The following ATP2B3 variants were observed in gnomAD, a reference collection of about 807,000 sequenced individuals.
The protein encoded by ATP2B3 is ATPase plasma membrane Ca2+ transporting 3.
A neutral mutation model predicts 70.8 loss-of-function variants in ATP2B3; 12 were observed. The ratio of observed to expected loss-of-function variants is 0.17; its 90% CI spans 0.11 to 0.27. The LOEUF (loss-of-function observed/expected upper bound fraction) is 0.27, where lower values mean the gene tolerates loss of function less well. ATP2B3 is among the 10% of genes least tolerant of loss of function. The pLI is 1.00. For missense variants in ATP2B3, 858 were observed against 1,118.5 expected, an observed-to-expected ratio of 0.77 and a Z score of 3.32; for synonymous variants, 460 against 497.8, an observed-to-expected ratio of 0.92 and a Z score of 1.01.
chrX:153,535,980 T>G, intron 2 of ATP2B3, 142 bp from the exon 3 acceptor site: 1 of 411,929 alleles, frequency 2.4e-6, no homozygotes, highest in Non-Finnish European at 4.3e-6. Flanking sequence ...TGAGGGCCAC[T>G]GGCCCAGCCT....
At position 153,547,727 on chromosome X, in the gene ATP2B3, C is replaced by A. The variant is rs1173272398; in HGVS notation, c.959-108C>A. On this transcript the variant is annotated intron_variant, in intron 8 of 21. Coordinates refer to ENST00000263519, the MANE Select transcript of ATP2B3 (RefSeq NM_001001344.3). ...TGGAAATAGGAGAGCTCCACTGAAT[C>A]CCGTCTCCTCTCTATGGTGTGGCAT... 7.4e-6 allele frequency: 7 copies of A among 940,813 alleles called. No individual in the cohort carries two copies. The Admixed American group carries it at 2.2e-4, about 30-fold the overall frequency. The allele number at this position is 940,813 out of a possible 1,213,427, so 77.5% of individuals were successfully genotyped here.
intron 2 of ATP2B3, among the ~76,000 whole-genome samples, chrX:153,531,096 G>A (rs1040365117): frequency 2.7e-5 from 3 of 112,983 alleles, no homozygotes; most frequent in Non-Finnish European, 5.6e-5. Context: ...GGGGCGGGCA[G>A]GAAGGAGAGG....
chrX:153,518,732 G>A (rs1264754337), intron 2 of ATP2B3, among the ~76,000 whole-genome samples, 181 bp downstream of exon 2: 2 of 111,463 alleles, frequency 1.8e-5, no homozygotes, highest in Non-Finnish European at 3.8e-5. Flanking sequence ...AGAGCCCGCG[G>A]TGAGGGCTCC....
Position 153,565,046 on chromosome X carries a change from G to C in ATP2B3, c.3285G>C (p.Arg1095=). 1.7e-6 allele frequency: 2 copies of C among 1,200,928 alleles called. No individual in the cohort carries two copies. The highest frequency in any genetic ancestry group is 2.2e-6 in the Non-Finnish European group (2 of 889,896). The change falls in exon 21 of 22, where the codon CGG becomes CGC. Residue 1095 remains arginine (R), a synonymous_variant. Coordinates refer to ENST00000263519, the MANE Select transcript of ATP2B3 (RefSeq NM_001001344.3). ...EGEEEIDHAE[R]ELRRGQILWF... ...AGGAAGAGATCGACCATGCCGAGCG[G>C]GAGCTCCGCAGGGGCCAGATCCTCT... is the stretch of plus-strand genomic sequence containing the variant.
intron 3 of ATP2B3, among the ~76,000 whole-genome samples, chrX:153,537,645 C>T (rs1359714888): frequency 3.6e-5 from 4 of 112,487 alleles, no homozygotes; most frequent in African/African-American, 1.3e-4. Context: ...CGCCGCCGCA[C>T]ACGCCCTCAC....
chrX:153,525,277 C>T (rs1569533182), intron 2 of ATP2B3, among the ~76,000 whole-genome samples: 1 of 112,374 alleles, frequency 8.9e-6, no homozygotes, highest in Non-Finnish European at 1.9e-5. Flanking sequence ...AACCCTGAAC[C>T]GGGTTAAGGC....
At chrX:153,533,355 A>G (rs1190017662) in intron 2 of ATP2B3, 1 of 112,007 alleles carries the variant, frequency 8.9e-6, no homozygotes, top group Non-Finnish European at 1.9e-5. Context: ...TTGAATTGTG[A>G]CTAAGAGGAT....
Position 153,546,096 on chromosome X carries a change from C to A in ATP2B3, c.925C>A (p.Gln309Lys). Reference protein sequence around the residue: ...EEKKDKKGKQQDGAMESSQTK... With the variant: ...EEKKDKKGKQKDGAMESSQTK... ...TCCCTCTTCCATTGTAGGCAAGCAG[C>A]AGGATGGGGCCATGGAGAGTAGCCA... is the stretch of plus-strand genomic sequence containing the variant. Residue 309 changes from glutamine (Q) to lysine (K), a missense_variant, in exon 8 of 22, where the codon CAG becomes AAG. Gln to Lys is a moderately conservative substitution (Grantham distance 53, BLOSUM62 1). Coordinates refer to ENST00000263519, the MANE Select transcript of ATP2B3 (RefSeq NM_001001344.3). 1 of 1,211,220 alleles carries A rather than the reference C, an allele frequency of 8.3e-7. No individual in the cohort carries two copies. Among genetic ancestry groups the A allele is most frequent in the Non-Finnish European group, 1.1e-6 (1 of 895,309 alleles).
intron 2 of ATP2B3, among the ~76,000 whole-genome samples, chrX:153,524,571 G>A (rs782665855): frequency 1.8e-5 from 2 of 111,846 alleles, no homozygotes; most frequent in East Asian, 5.6e-4. Flanking sequence ...TTGAGGTGAG[G>A]ATCTAAGGTG....
At position 153,565,016 on chromosome X, in the gene ATP2B3, A is replaced by T. The variant is rs2124514256; in HGVS notation, c.3255A>T (p.Glu1085Asp). Reference sequence around the variant, plus strand: ...AGATGACCGACGAGGAGCTGGCCGAAGGCGAGGAAGAGATCGACCATGCCG... The same window carrying T: ...AGATGACCGACGAGGAGCTGGCCGATGGCGAGGAAGAGATCGACCATGCCG... Reference protein sequence around the residue: ...KDEMTDEELAEGEEEIDHAER... With the variant: ...KDEMTDEELADGEEEIDHAER... Residue 1085 changes from glutamate (E) to aspartate (D), a missense_variant, in exon 21 of 22, where the codon GAA (glutamate) becomes GAT (aspartate). By Grantham distance (45) the Glu-to-Asp change is conservative (BLOSUM62 2). Coordinates refer to ENST00000263519, the MANE Select transcript of ATP2B3 (RefSeq NM_001001344.3). 8.3e-7 allele frequency: 1 copy of T among 1,201,283 alleles called. No homozygotes were observed. The highest frequency in any genetic ancestry group is 1.1e-6 in the Non-Finnish European group (1 of 889,925).
chrX:153,544,805 C>A lies in ATP2B3; in HGVS notation c.917-1283C>A, dbSNP rs369980080. ...TTCCCCCCACTCCTGTCTCTTCTGG[C>A]GGGGCCCAGCCCTCCTCTTCCAGCA... On this transcript the variant is annotated intron_variant, in intron 7 of 21. Transcript: ENST00000263519. 3.6e-5 allele frequency among the ~76,000 whole-genome samples: 4 copies of A among 112,445 alleles called. No individual in the cohort carries two copies. In the Admixed American group the frequency reaches 3.7e-4, roughly 10 times the overall value.
At chrX:153,559,635 G>T in intron 17 of ATP2B3, 94 bp from the exon 18 acceptor site, 1 of 723,910 alleles carries the variant, frequency 1.4e-6, no homozygotes, top group Non-Finnish European at 2.1e-6. Context: ...TGGTGATGTG[G>T]ACCCCATGAG....
chrX:153,524,091 A>AT (rs11340403), intron 2 of ATP2B3, among the ~76,000 whole-genome samples: 104 of 105,097 alleles, frequency 9.9e-4, no homozygotes, highest in Non-Finnish European at 1.7e-3. Flanking sequence ...GTTCTTTGCC[A>AT]TTTTTTTTTT....
At chrX:153,566,855 C>T (rs1557018317) in intron 21 of ATP2B3, among the ~76,000 whole-genome samples, 2 of 111,988 alleles carry the variant, frequency 1.8e-5, no homozygotes, top group Non-Finnish European at 3.8e-5. Flanking sequence ...ACTCCTCTCA[C>T]TCTCACCACG....
chrX:153,562,878 G>A (rs1557016869), intron 20 of ATP2B3, among the ~76,000 whole-genome samples: 1 of 112,501 alleles, frequency 8.9e-6, no homozygotes, highest in East Asian at 2.8e-4. Flanking sequence ...GGAGCCAGCG[G>A]GGCCAGTTCC....
intron 20 of ATP2B3, among the ~76,000 whole-genome samples, chrX:153,562,591 C>T (rs374210631): frequency 1.8e-5 from 2 of 111,625 alleles, no homozygotes; most frequent in Non-Finnish European, 3.8e-5. Context: ...ATCCATGGGG[C>T]GAAAAGAAAG....
intron 1 of ATP2B3, 96 bp downstream of exon 1, chrX:153,517,971 G>A (rs2089901244): frequency 9.1e-6 from 1 of 109,585 alleles, no homozygotes; most frequent in South Asian, 3.6e-4. Flanking sequence ...GACCCGGCAG[G>A]TGGTGCGGCG....
chrX:153,543,252 TG>T, intron 7 of ATP2B3, 84 bp downstream of exon 7: 3 of 1,113,535 alleles, frequency 2.7e-6, no homozygotes, highest in East Asian at 6.5e-5. Flanking sequence ...CCGGTGCCAC[TG>T]GGGGCTCAGG....
At chrX:153,532,776 C>T (rs1386084424) in intron 2 of ATP2B3, among the ~76,000 whole-genome samples, 3 of 112,272 alleles carry the variant, frequency 2.7e-5, no homozygotes, top group African/African-American at 9.7e-5. Context: ...CAGCCCAGGC[C>T]GGAAACTCTG....
Sources: gnomAD v4.1 joint callset for allele counts (sites outside exome capture counted in the v4.1 genomes callset) on GRCh38, gnomAD v4.1.1 for gene constraint, MANE v1.5 for transcripts, NCBI Gene and HGNC (gene_info 2026-07-23, HGNC 2026-07-21) for gene names.